The following DGKB variants were observed in gnomAD, a reference collection of about 807,000 sequenced individuals.
DGKB encodes 90 kDa diacylglycerol kinase.
Under a neutral mutation model 114.3 loss-of-function variants are expected in DGKB, and 67 were observed. The ratio of observed to expected loss-of-function variants is 0.59; its 90% CI spans 0.48 to 0.72. The LOEUF (loss-of-function observed/expected upper bound fraction) is 0.72, where lower values mean the gene tolerates loss of function less well. DGKB is among the 30% of genes least tolerant of loss of function. The probability of loss-of-function intolerance (pLI) is 0.00; values close to 1 mark genes in which losing one functional copy is unlikely to be tolerated. For synonymous variants in DGKB, 398 were observed against 323.1 expected (o/e 1.23, Z -2.49); for missense variants, 907 against 975.2 (o/e 0.93, Z 0.93).
intron 23 of DGKB, among the ~76,000 whole-genome samples, chr7:14,221,016 T>C (rs1209158850): frequency 1.1e-4 from 16 of 151,374 alleles, no homozygotes; most frequent in Non-Finnish European, 1.5e-4. Flanking sequence ...CTATTGATCT[T>C]GTGACTTATA....
chr7:14,274,583 A>T (rs1798724817), intron 23 of DGKB, among the ~76,000 whole-genome samples: 1 of 152,180 alleles, frequency 6.6e-6, no homozygotes, highest in Non-Finnish European at 1.5e-5. Flanking sequence ...GCTATTAAAA[A>T]ATGTCATAGA....
chr7:14,738,897 CAAACAAACA>C (rs1417953538), intron 4 of DGKB, among the ~76,000 whole-genome samples: 3 of 152,130 alleles, frequency 2.0e-5, no homozygotes. Flanking sequence ...GGTAACATAA[CAAACAAACA>C]AAACAAACAA....
Position 14,717,707 on chromosome 7 carries a change from C to G in DGKB, c.466+835G>C, listed in dbSNP as rs73680200. 7.2e-3 allele frequency among the ~76,000 whole-genome samples: 1,094 copies of G among 152,066 alleles called. 12 individuals are homozygous for G. Among genetic ancestry groups the G allele is most frequent in the African/African-American group, 0.026 (1,062 of 41,510 alleles). ...AAGTGTTAAAGTTTAGATTTGTTAT[C>G]TTCACTATCATTCTAGTAGCAAGCA... On this transcript the variant is annotated intron_variant, in intron 6 of 25. Coordinates refer to ENST00000402815, the MANE Select transcript of DGKB (RefSeq NM_001350709.2).
At chr7:14,206,565 T>G (rs1252679762) in intron 23 of DGKB, among the ~76,000 whole-genome samples, 1 of 152,052 alleles carries the variant, frequency 6.6e-6, no homozygotes, top group Non-Finnish European at 1.5e-5. Flanking sequence ...TAAATCATGT[T>G]AAAGAGTTTG....
At chr7:14,452,273 A>G (rs1831639815) in intron 21 of DGKB, among the ~76,000 whole-genome samples, 1 of 152,120 alleles carries the variant, frequency 6.6e-6, no homozygotes, top group Non-Finnish European at 1.5e-5. Flanking sequence ...AGCAATAATA[A>G]TACGGATCAA....
chr7:14,486,267 T>C (rs1354760450), intron 20 of DGKB, among the ~76,000 whole-genome samples: 3 of 152,186 alleles, frequency 2.0e-5, no homozygotes, highest in African/African-American at 7.2e-5. Context: ...CATTGTTCCA[T>C]CAAAAACAGA....
At chr7:14,940,078 G>A (rs1374311801) in intron 1 of DGKB, among the ~76,000 whole-genome samples, 1 of 152,036 alleles carries the variant, frequency 6.6e-6, no homozygotes, top group Non-Finnish European at 1.5e-5. Context: ...CTTATACACA[G>A]TCTCCACACT....
At chr7:14,895,553 C>T (rs1356509162) in intron 1 of DGKB, among the ~76,000 whole-genome samples, 1 of 151,582 alleles carries the variant, frequency 6.6e-6, no homozygotes, top group Non-Finnish European at 1.5e-5. Context: ...AAATCATGGA[C>T]TTGTTTCCTT....
At chr7:14,183,143 C>T (rs74883414) in intron 23 of DGKB, among the ~76,000 whole-genome samples, 3,044 of 152,218 alleles carry the variant, frequency 0.02, 94 homozygotes, top group African/African-American at 0.07. Flanking sequence ...GTATGCCTTC[C>T]AGTGATGTTT....
chr7:14,149,156 C>T lies in DGKB; in HGVS notation c.2387G>A (p.Arg796Lys). 1 of 1,613,410 alleles carries T rather than the reference C, an allele frequency of 6.2e-7. No homozygotes were observed. Among genetic ancestry groups the T allele is most frequent in the Non-Finnish European group, 8.5e-7 (1 of 1,179,520 alleles). The change falls in exon 26 of 26, where the codon AGG becomes AAG. Residue 796 changes from arginine (R) to lysine (K), a missense_variant. Coordinates refer to ENST00000402815, the MANE Select transcript of DGKB (RefSeq NM_001350709.2). ...TTATTCCTTGCTTCGGTTTCTTGTC[C>T]TTTTGACGAGGGAGCAGAATAAACC... ...KTGLFCSLVK[R>K]TRNRSKE is the part of the protein sequence containing the mutation.
chr7:14,477,271 A>G (rs1358309246), intron 21 of DGKB, among the ~76,000 whole-genome samples: 2 of 152,212 alleles, frequency 1.3e-5, no homozygotes, highest in African/African-American at 4.8e-5. Flanking sequence ...TAAATTTAAG[A>G]ATGTCCAGGT....
chr7:14,325,153 C>T (rs1175733658), intron 23 of DGKB, among the ~76,000 whole-genome samples: 1 of 152,122 alleles, frequency 6.6e-6, no homozygotes, highest in Non-Finnish European at 1.5e-5. Flanking sequence ...TTAGAGAGTG[C>T]TCTTATAAAC....
At chr7:14,162,799 A>G in intron 25 of DGKB, among the ~76,000 whole-genome samples, 1 of 152,186 alleles carries the variant, frequency 6.6e-6, no homozygotes, top group East Asian at 1.9e-4. Context: ...GACAAGAAAA[A>G]AATCTTTAAA....
chr7:14,387,489 T>G (rs1209726194), intron 21 of DGKB, among the ~76,000 whole-genome samples: 1 of 151,666 alleles, frequency 6.6e-6, no homozygotes, highest in Non-Finnish European at 1.5e-5. Flanking sequence ...CTGGGTTCAC[T>G]GAAGCCTCAA....
chr7:14,746,131 G>C (rs1224826023), intron 4 of DGKB, among the ~76,000 whole-genome samples: 1 of 152,150 alleles, frequency 6.6e-6, no homozygotes, highest in African/African-American at 2.4e-5. Context: ...CTGAGGTCAG[G>C]AGTTCAAGAC....
chr7:14,774,349 AG>A (rs1310154563), intron 2 of DGKB, among the ~76,000 whole-genome samples: 2 of 152,232 alleles, frequency 1.3e-5, no homozygotes, highest in African/African-American at 2.4e-5. Context: ...GCACTACAGA[AG>A]TATAAAGAAG....
chr7:14,923,717 G>A (rs1265653392), intron 1 of DGKB, among the ~76,000 whole-genome samples: 4 of 151,846 alleles, frequency 2.6e-5, no homozygotes, highest in South Asian at 2.1e-4. Context: ...TGTCCTGGCC[G>A]GGCACGGTGG....
At chr7:14,467,159 G>T (rs185120707) in intron 21 of DGKB, among the ~76,000 whole-genome samples, 2,675 of 149,568 alleles carry the variant, frequency 0.018, 84 homozygotes, top group African/African-American at 0.06. Flanking sequence ...TAAGCTAATT[G>T]TCATAAATAT....
At chr7:14,420,061 A>G (rs1377415609) in intron 21 of DGKB, among the ~76,000 whole-genome samples, 2 of 152,046 alleles carry the variant, frequency 1.3e-5, no homozygotes, top group African/African-American at 4.8e-5. Flanking sequence ...AAACATCAAT[A>G]TTATTGATTA....
Sources: gnomAD v4.1 joint callset for allele counts (sites outside exome capture counted in the v4.1 genomes callset) on GRCh38, gnomAD v4.1.1 for gene constraint, MANE v1.5 for transcripts, NCBI Gene and HGNC (gene_info 2026-07-23, HGNC 2026-07-21) for gene names.